The following ADRA1D variants were observed in gnomAD, a reference collection of about 807,000 sequenced individuals.
ADRA1D encodes the protein alpha-1D adrenergic receptor.
Under a neutral mutation model 18.6 loss-of-function variants are expected in ADRA1D, and 22 were observed. The ratio of observed to expected loss-of-function variants is 1.19; its 90% CI spans 0.85 to 1.69. The LOEUF is 1.69. Among genes scored for constraint, ADRA1D ranks in the 40% most tolerant of loss-of-function variants. ADRA1D has a pLI of 0.00. For missense variants in ADRA1D, 840 were observed against 840.7 expected, an observed-to-expected ratio of 1.00 and a Z score of 0.01; for synonymous variants, 376 against 388.2, an observed-to-expected ratio of 0.97 and a Z score of 0.37.
rs1981331751 is a variant in ADRA1D, at chr20:4,246,108, G to A, written c.1111+1739C>T. Among the ~76,000 whole-genome samples the A allele has an allele frequency of 2.6e-5, 4 of 152,140 alleles. No homozygotes were observed. The South Asian group carries it at 8.3e-4, about 32-fold the overall frequency. ...ACGCAGCTAGCGGGAGGGAGGCAGA[G>A]CTGGGATTGGCGCCAGAGCCTGTGA... On this transcript the variant is annotated intron_variant, in intron 1 of 1. Transcript: ENST00000379453.
rs1981409038 is a variant in ADRA1D at position 4,248,535 on chromosome 20, G to A, written c.423C>T (p.Ala141=). ...GTACGGTGGCGCTCAGCAGCAGGTC[G>A]GCCACGGCCAGGTTCACGATGAAAT... The part of the protein sequence containing the change: ...TNYFIVNLAV[A]DLLLSATVLP... The change falls in exon 1 of 2, where the codon GCC becomes GCT. Residue 141 remains alanine (A), a synonymous_variant. Coordinates refer to ENST00000379453, the MANE Select transcript of ADRA1D (RefSeq NM_000678.4). The A allele has an allele frequency of 6.2e-7, 1 of 1,613,718 alleles. No homozygotes were observed. Among genetic ancestry groups the A allele is most frequent in the Admixed American group, 1.7e-5 (1 of 59,996 alleles).
At chr20:4,246,272 C>G (rs997092263) in intron 1 of ADRA1D, among the ~76,000 whole-genome samples, 1 of 152,156 alleles carries the variant, frequency 6.6e-6, no homozygotes, top group Non-Finnish European at 1.5e-5. Context: ...AAGCAGCACA[C>G]AGATGTAATT....
chr20:4,243,082 G>A (rs534632927), intron 1 of ADRA1D, among the ~76,000 whole-genome samples: 2 of 152,196 alleles, frequency 1.3e-5, no homozygotes, highest in South Asian at 2.1e-4. Context: ...CAGCCCCTCC[G>A]GTACCCCTCA....
At chr20:4,242,993 G>GGGAC (rs1415184136) in intron 1 of ADRA1D, among the ~76,000 whole-genome samples, 2 of 152,130 alleles carry the variant, frequency 1.3e-5, no homozygotes, top group Non-Finnish European at 2.9e-5. Flanking sequence ...ACACGCAGGA[G>GGGAC]GGACACGGGC....
chr20:4,242,760 G>C (rs4815674), intron 1 of ADRA1D, among the ~76,000 whole-genome samples: 31,692 of 152,124 alleles, frequency 0.21, 3,980 homozygotes, highest in Non-Finnish European at 0.27. Context: ...TTGGAAGGTG[G>C]AGGTCAGTGA....
chr20:4,230,361 A>G (rs1027491770), intron 1 of ADRA1D, among the ~76,000 whole-genome samples: 1 of 152,202 alleles, frequency 6.6e-6, no homozygotes, highest in African/African-American at 2.4e-5. Context: ...CAGGTGCATA[A>G]CACTTGCTGA....
Position 4,248,105 on chromosome 20 carries a change from T to C in ADRA1D, c.853A>G (p.Thr285Ala), listed in dbSNP as rs1981383431. Residue 285 changes from threonine (T) to alanine (A), a missense_variant, in exon 1 of 2, where the codon ACG becomes GCG. Transcript: ENST00000379453. ...CRVYVVARST[T>A]RSLEAGVKRE... Reference sequence around the variant, plus strand: ...TTGACGCCCGCCTCGAGGCTGCGCGTGGTGCTGCGCGCGACCACGTACACG... The same window carrying C: ...TTGACGCCCGCCTCGAGGCTGCGCGCGGTGCTGCGCGCGACCACGTACACG... 1.9e-6 allele frequency: 3 copies of C among 1,558,186 alleles called. No individual in the cohort carries two copies. Among genetic ancestry groups the C allele is most frequent in the Admixed American group, 1.9e-5 (1 of 51,710 alleles).
intron 1 of ADRA1D, among the ~76,000 whole-genome samples, chr20:4,226,372 G>A (rs1980800313): frequency 6.6e-6 from 1 of 152,234 alleles, no homozygotes. Context: ...AGAAATACAA[G>A]TTTTTAATTT....
chr20:4,226,258 G>A (rs1020602076), intron 1 of ADRA1D, among the ~76,000 whole-genome samples: 4 of 152,238 alleles, frequency 2.6e-5, no homozygotes, highest in African/African-American at 9.6e-5. Context: ...TACACGAGAA[G>A]GAGCTGTAAT....
chr20:4,227,887 G>A (rs1324341026), intron 1 of ADRA1D, among the ~76,000 whole-genome samples: 5 of 151,634 alleles, frequency 3.3e-5, no homozygotes, highest in Non-Finnish European at 5.9e-5. Context: ...GATTACAGGC[G>A]TGAGCCACTG....
At position 4,248,817 on chromosome 20, in the gene ADRA1D, C is replaced by T. The variant is rs868733121; in HGVS notation, c.141G>A (p.Pro47=). ...CGCCGCCGCCGCCGCCCGCGCCCCC[C>T]GGCACGCCGCCCACCGCCGGGCCCT... ...PSEGPAVGGV[P]GGAGGGGGVV... Residue 47 remains proline (P), a synonymous_variant, in exon 1 of 2, where the codon CCG becomes CCA. Transcript: ENST00000379453. The T allele has an allele frequency of 1.6e-4, 172 of 1,053,776 alleles. 3 individuals carry two copies. In the Middle Eastern group the frequency reaches 8.3e-3, roughly 51 times the overall value. 65.3% of individuals were successfully genotyped at this position (1,053,776 alleles called of 1,614,324 possible). A position where few individuals can be genotyped will look rare whatever the true frequency, so the allele number is the denominator to read the frequency against.
At chr20:4,247,702 A>G (rs931154481) in intron 1 of ADRA1D, 145 bp downstream of exon 1, 6 of 947,292 alleles carry the variant, frequency 6.3e-6, no homozygotes, top group Admixed American at 7.3e-5. Flanking sequence ...AAAATGGTGC[A>G]TGCACACCTG....
At chr20:4,233,073 G>A (rs1981006560) in intron 1 of ADRA1D, among the ~76,000 whole-genome samples, 1 of 152,258 alleles carries the variant, frequency 6.6e-6, no homozygotes, top group East Asian at 1.9e-4. Flanking sequence ...AGGCTGAGGC[G>A]AGAGGACTGC....
chr20:4,244,170 C>A (rs1981279955), intron 1 of ADRA1D, among the ~76,000 whole-genome samples: 1 of 152,350 alleles, frequency 6.6e-6, no homozygotes, highest in South Asian at 2.1e-4. Context: ...CTGCTACCAC[C>A]TGGCTTTGTG....
chr20:4,248,168 A>G lies in ADRA1D; in HGVS notation c.790T>C (p.Tyr264His). The change falls in exon 1 of 2, where the codon TAC becomes CAC. Residue 264 changes from tyrosine to histidine, a missense_variant. By Grantham distance (83) the Tyr-to-His change is moderately conservative. Coordinates refer to ENST00000379453, the MANE Select transcript of ADRA1D (RefSeq NM_000678.4). ...YAVFSSVCSF[Y>H]LPMAVIVVMY... ...ACCACGATGACCGCCATGGGCAGGT[A>G]GAAGGAGCACACGGAGGAGAAGACA... The G allele has an allele frequency of 6.3e-7, 1 of 1,584,174 alleles. No individual in the cohort carries two copies. Among genetic ancestry groups the G allele is most frequent in the Non-Finnish European group, 8.6e-7 (1 of 1,165,158 alleles).
At chr20:4,245,236 T>C (rs1053891245) in intron 1 of ADRA1D, among the ~76,000 whole-genome samples, 3 of 152,158 alleles carry the variant, frequency 2.0e-5, no homozygotes, top group Admixed American at 2.0e-4. Context: ...GCTGTGAAAA[T>C]GGCCCAGCAT....
At position 4,248,693 on chromosome 20, in the gene ADRA1D, C is replaced by A. The variant is rs1295310570; in HGVS notation, c.265G>T (p.Gly89Ter). The change falls in exon 1 of 2, where the codon GGA becomes TGA. Residue 89 changes from glycine (G) to a stop codon, truncating the protein, a stop_gained. Transcript: ENST00000379453. LOFTEE classifies it high-confidence loss of function. ...ACGCCCTGCGCGCTCACCACCAGTC[C>A]CCCGACGGCCGCCGTGCCATTCACG... ...GDVNGTAAVG[G>*]LVVSAQGVGV... 4 of 1,579,388 alleles carry A rather than the reference C, an allele frequency of 2.5e-6. No homozygotes were observed. Among genetic ancestry groups the A allele is most frequent in the Admixed American group, 3.7e-5 (2 of 54,576 alleles).
chr20:4,233,639 C>T (rs908624960), intron 1 of ADRA1D, among the ~76,000 whole-genome samples: 2 of 152,168 alleles, frequency 1.3e-5, no homozygotes, highest in Non-Finnish European at 2.9e-5. Context: ...TGCAGTGTCA[C>T]GTCTTCAAGT....
At chr20:4,230,429 G>A (rs1980926237) in intron 1 of ADRA1D, among the ~76,000 whole-genome samples, 1 of 152,202 alleles carries the variant, frequency 6.6e-6, no homozygotes, top group Non-Finnish European at 1.5e-5. Flanking sequence ...ACCACGTCCT[G>A]TGCGGTAGAT....
Sources: gnomAD v4.1 joint callset for allele counts (sites outside exome capture counted in the v4.1 genomes callset) on GRCh38, gnomAD v4.1.1 for gene constraint, MANE v1.5 for transcripts, NCBI Gene and HGNC (gene_info 2026-07-23, HGNC 2026-07-21) for gene names.